AGBL1: variants seen among roughly 807,000 people sequenced by gnomAD.
AGBL1 encodes the protein AGBL carboxypeptidase 1, also known as cytosolic carboxypeptidase 4.
AGBL1 carries 130 observed loss-of-function variants against 118.9 expected under a neutral mutation model. That is an observed-to-expected ratio of 1.09 (90% CI 0.95 to 1.26). The LOEUF (loss-of-function observed/expected upper bound fraction) is 1.26. Ranked by LOEUF, AGBL1 falls within the 50% of genes most tolerant of loss-of-function variation. The pLI is 0.00. For missense variants in AGBL1, 1,584 were observed against 1,298.1 expected, an observed-to-expected ratio of 1.22 and a Z score of -3.38; for synonymous variants, 555 against 478.9, an observed-to-expected ratio of 1.16 and a Z score of -2.08.
At chr15:87,014,345 G>A (rs1461031387) in intron 24 of AGBL1, among the ~76,000 whole-genome samples, 1 of 152,096 alleles carries the variant, frequency 6.6e-6, no homozygotes, top group East Asian at 1.9e-4. Flanking sequence ...GTGATCTTAG[G>A]CAAGTAAGTA....
intron 22 of AGBL1, among the ~76,000 whole-genome samples, chr15:86,741,865 G>T (rs1168892983): frequency 1.3e-5 from 2 of 152,066 alleles, no homozygotes; most frequent in Non-Finnish European, 2.9e-5. Flanking sequence ...AATTCATACA[G>T]TGTGCCTAGG....
chr15:86,408,277 G>C (rs1039126139), intron 18 of AGBL1, among the ~76,000 whole-genome samples: 1 of 152,104 alleles, frequency 6.6e-6, no homozygotes, highest in African/African-American at 2.4e-5. Context: ...GACAAGATGG[G>C]GGAGTAAAAT....
At chr15:86,210,785 TG>T (rs764703656) in intron 5 of AGBL1, among the ~76,000 whole-genome samples, 17 of 152,204 alleles carry the variant, frequency 1.1e-4, no homozygotes, top group Non-Finnish European at 2.4e-4. Flanking sequence ...CAGGGAAGTT[TG>T]TTATTACTGA....
At chr15:86,247,463 T>C (rs1041745841) in intron 6 of AGBL1, among the ~76,000 whole-genome samples, 2 of 152,230 alleles carry the variant, frequency 1.3e-5, no homozygotes, top group Non-Finnish European at 2.9e-5. Flanking sequence ...CAGTGTATCA[T>C]ATCGGGTGGC....
chr15:86,349,826 A>C (rs1474139087), intron 17 of AGBL1, among the ~76,000 whole-genome samples: 2 of 152,170 alleles, frequency 1.3e-5, no homozygotes, highest in Non-Finnish European at 2.9e-5. Context: ...GCCTATTGGA[A>C]AGAGCTCTGG....
rs549660791 is a variant in AGBL1 at position 86,847,452 on chromosome 15, C to G, written c.3159-59635C>G. On this transcript the variant is annotated intron_variant, in intron 22 of 22. Transcript: ENST00000614907. ...TTTTGTTTTGTTTTTTGGTAACTTG[C>G]TTTGACTAAGTCTTTGTCATCTGTT... 1.3e-4 allele frequency among the ~76,000 whole-genome samples: 20 copies of G among 152,308 alleles called. No individual in the cohort carries two copies. In the East Asian group the frequency reaches 3.3e-3, roughly 25 times the overall value.
intron 22 of AGBL1, among the ~76,000 whole-genome samples, chr15:86,796,563 T>A (rs2078574955): frequency 6.6e-6 from 1 of 152,146 alleles, no homozygotes. Flanking sequence ...GGCTTTGGAG[T>A]TCTACAGTCA....
intron 6 of AGBL1, among the ~76,000 whole-genome samples, chr15:86,230,055 A>G (rs530824271): frequency 1.3e-5 from 2 of 152,284 alleles, no homozygotes; most frequent in African/African-American, 4.8e-5. Flanking sequence ...GGAGAGATGT[A>G]AAAGAGCTAA....
chr15:86,554,324 A>C (rs1190836469), intron 20 of AGBL1, 37 bp from the exon 21 acceptor site: 1 of 1,496,068 alleles, frequency 6.7e-7, no homozygotes, highest in Non-Finnish European at 9.0e-7. Context: ...CTAGTCACCC[A>C]CAACTAATCA....
At chr15:86,616,550 C>T (rs533660380) in intron 21 of AGBL1, among the ~76,000 whole-genome samples, 43 of 152,170 alleles carry the variant, frequency 2.8e-4, no homozygotes, top group African/African-American at 9.9e-4. Context: ...TAGAACTAGA[C>T]ACCTCTTGTC....
intron 17 of AGBL1, among the ~76,000 whole-genome samples, chr15:86,366,181 A>T (rs575289558): frequency 3.3e-4 from 51 of 152,254 alleles, no homozygotes; most frequent in African/African-American, 1.2e-3. Context: ...CCTCCCCTAC[A>T]TTCTTCATTC....
At position 86,334,066 on chromosome 15, in the gene AGBL1, C is replaced by A. The variant is rs112720637; in HGVS notation, c.2374+38658C>A. 6.9e-3 allele frequency among the ~76,000 whole-genome samples: 1,055 copies of A among 152,180 alleles called. 15 individuals are homozygous for A. Among genetic ancestry groups the A allele is most frequent in the African/African-American group, 0.024 (1,015 of 41,514 alleles). On this transcript the variant is annotated intron_variant, in intron 17 of 22. Coordinates refer to ENST00000614907, the MANE Select transcript of AGBL1 (RefSeq NM_001386094.1). ...GAGCCATCTATGACAAACTCACAACCAACATCATAATAAACATGCAAAAAC... is the reference window on the plus strand; with the variant it reads ...GAGCCATCTATGACAAACTCACAACAAACATCATAATAAACATGCAAAAAC...
At chr15:86,846,840 G>A (rs1191686279) in intron 22 of AGBL1, among the ~76,000 whole-genome samples, 1 of 152,152 alleles carries the variant, frequency 6.6e-6, no homozygotes, top group Non-Finnish European at 1.5e-5. Context: ...CCAAATTTGG[G>A]TAATTTGTAT....
At chr15:86,830,195 A>G (rs1779021108) in intron 22 of AGBL1, among the ~76,000 whole-genome samples, 1 of 151,936 alleles carries the variant, frequency 6.6e-6, no homozygotes, top group Admixed American at 6.6e-5. Flanking sequence ...AATTTGATGA[A>G]TTTTTTTTAC....
intron 21 of AGBL1, among the ~76,000 whole-genome samples, chr15:86,635,259 TCCCCCTCCTCCTCCTCCTC>T (rs2085056993): frequency 1.7e-5 from 1 of 57,384 alleles, no homozygotes; most frequent in African/African-American, 7.7e-5. Context: ...CTCCTCCCCC[TCCCCCTCCTCCTCCTCCTC>T]CTTCCCCTCC....
chr15:86,664,944 G>A (rs866834696), intron 21 of AGBL1, among the ~76,000 whole-genome samples: 2 of 151,744 alleles, frequency 1.3e-5, no homozygotes, highest in African/African-American at 4.8e-5. Context: ...GGTAATTTGC[G>A]GATTTTAAAA....
At chr15:86,885,812 C>A (rs2079961291) in intron 22 of AGBL1, among the ~76,000 whole-genome samples, 1 of 152,172 alleles carries the variant, frequency 6.6e-6, no homozygotes, top group African/African-American at 2.4e-5. Flanking sequence ...CTTCCTACAA[C>A]TGAGACTGAA....
chr15:86,919,081 T>A (rs1424915123), downstream of AGBL1, among the ~76,000 whole-genome samples: 1 of 152,226 alleles, frequency 6.6e-6, no homozygotes, highest in Non-Finnish European at 1.5e-5. Flanking sequence ...AGATCTATAA[T>A]GCACCACATC....
chr15:86,937,138 A>G (rs569928147), intron 23 of AGBL1, among the ~76,000 whole-genome samples: 19 of 152,234 alleles, frequency 1.2e-4, no homozygotes, highest in Non-Finnish European at 2.6e-4. Flanking sequence ...CTATTATGAA[A>G]AAGTCTGAAA....
Sources: allele counts gnomAD v4.1 joint callset (sites outside exome capture counted in the v4.1 genomes callset), GRCh38; gene constraint gnomAD v4.1.1; transcripts MANE v1.5; gene names NCBI Gene and HGNC (gene_info 2026-07-23, HGNC 2026-07-21).